The following CAST variants were observed in gnomAD, a reference collection of about 807,000 sequenced individuals.
The protein encoded by CAST is MIR583 host.
In CAST, 76 loss-of-function variants were observed where a neutral mutation model predicts 119.6. That is an observed-to-expected ratio of 0.64 (90% CI 0.53 to 0.77). The LOEUF (loss-of-function observed/expected upper bound fraction) is 0.77. Ranked by LOEUF, CAST falls within the 30% of genes least tolerant of loss-of-function variation. The probability of loss-of-function intolerance (pLI) is 0.00; values close to 1 mark genes in which losing one functional copy is unlikely to be tolerated. For missense variants in CAST, 953 were observed against 946.5 expected, an observed-to-expected ratio of 1.01 and a Z score of -0.09; for synonymous variants, 319 against 331.6, an observed-to-expected ratio of 0.96 and a Z score of 0.41.
chr5:96,366,255 T>C, the CAST span, among the ~76,000 whole-genome samples: 3 of 152,206 alleles, frequency 2.0e-5, no homozygotes, highest in Admixed American at 2.0e-4. Context: ...CTGGCTGCGC[T>C]TAACATTTTT....
intron 1 of CAST, among the ~76,000 whole-genome samples, chr5:96,641,220 A>G (rs1469322221): frequency 6.6e-6 from 1 of 152,214 alleles, no homozygotes; most frequent in African/African-American, 2.4e-5. Context: ...TAAGAATTGT[A>G]GAAATAAAGG....
Position 96,736,490 on chromosome 5 carries a change from G to A in CAST, c.699+250G>A, listed in dbSNP as rs148677785. Among the ~76,000 whole-genome samples the A allele has an allele frequency of 8.1e-3, 1,230 of 152,052 alleles. 22 individuals carry two copies. Among genetic ancestry groups the A allele is most frequent in the African/African-American group, 0.028 (1,172 of 41,464 alleles). Reference sequence around the variant, plus strand: ...ACAAACTCCAGTTTCATCCCATGGAGTTTACATTCCAGTTTCTCTCCTGCA... The same window carrying A: ...ACAAACTCCAGTTTCATCCCATGGAATTTACATTCCAGTTTCTCTCCTGCA... On this transcript the variant is annotated intron_variant, in intron 10 of 31. Transcript: ENST00000675179.
chr5:96,722,380 G>T (rs149880000), intron 3 of CAST, among the ~76,000 whole-genome samples: 269 of 152,290 alleles, frequency 1.8e-3, no homozygotes, highest in African/African-American at 6.3e-3. Context: ...AAAAATTGAG[G>T]TTGGGAAACT....
chr5:96,227,837 C>T, the CAST span, among the ~76,000 whole-genome samples: 26 of 152,148 alleles, frequency 1.7e-4, no homozygotes, highest in Non-Finnish European at 3.2e-4. Flanking sequence ...TTCCCACACT[C>T]GCTTGTGTAT....
chr5:96,415,123 GA>G, the CAST span, among the ~76,000 whole-genome samples: 2 of 152,102 alleles, frequency 1.3e-5, no homozygotes, highest in African/African-American at 4.8e-5. Context: ...ATAAAGAGGA[GA>G]GACAGTTTTT....
intron 3 of CAST, chr5:96,702,874 G>A (rs1461721674): frequency 1.0e-6 from 1 of 985,402 alleles, no homozygotes; most frequent in East Asian, 1.1e-4. Flanking sequence ...CAGACCTCCT[G>A]AAAACCAAGC....
At chr5:96,168,219 C>A in the CAST span, among the ~76,000 whole-genome samples, 1 of 152,172 alleles carries the variant, frequency 6.6e-6, no homozygotes, top group Non-Finnish European at 1.5e-5. Context: ...AGTTGGAACG[C>A]TAGCTGCTTT....
At chr5:96,081,244 C>T in the CAST span, among the ~76,000 whole-genome samples, 2 of 152,130 alleles carry the variant, frequency 1.3e-5, no homozygotes, top group African/African-American at 4.8e-5. Context: ...ACAGAGTTTG[C>T]CAAGAGGTAT....
the CAST span, chr5:95,961,795 T>C: frequency 6.8e-7 from 1 of 1,476,540 alleles, no homozygotes; most frequent in Non-Finnish European, 9.0e-7. Flanking sequence ...CTGCTTGGGC[T>C]TCTGCAGCCG....
the CAST span, among the ~76,000 whole-genome samples, chr5:95,966,006 C>A: frequency 6.6e-6 from 1 of 152,028 alleles, no homozygotes; most frequent in Non-Finnish European, 1.5e-5. Flanking sequence ...AGTTAATTTA[C>A]AAGTCATACA....
chr5:96,341,658 A>C, the CAST span, among the ~76,000 whole-genome samples: 1 of 152,132 alleles, frequency 6.6e-6, no homozygotes, highest in East Asian at 1.9e-4. Context: ...AAACTTTCAG[A>C]TAATGACTTC....
intron 17 of CAST, 35 bp from the exon 18 acceptor site, chr5:96,747,310 A>G (rs200457462): frequency 4.2e-6 from 6 of 1,437,038 alleles, no homozygotes; most frequent in East Asian, 2.3e-5. Flanking sequence ...AAAATTTTCT[A>G]TTTCATTTCC....
chr5:96,418,681 C>T, the CAST span, among the ~76,000 whole-genome samples: 3 of 152,136 alleles, frequency 2.0e-5, no homozygotes, highest in African/African-American at 7.2e-5. Context: ...CAAAATGGAG[C>T]CATTCATTTT....
chr5:95,962,037 G>T, the CAST span: 2 of 406,094 alleles, frequency 4.9e-6, no homozygotes, highest in South Asian at 1.9e-4. Flanking sequence ...CGTCCGAGAG[G>T]TAAGAGGCTG....
At chr5:96,682,286 G>C (rs937728693) in intron 2 of CAST, among the ~76,000 whole-genome samples, 7 of 152,290 alleles carry the variant, frequency 4.6e-5, no homozygotes, top group African/African-American at 1.7e-4. Flanking sequence ...GAGAGTTTCT[G>C]AAGTTTGCCC....
chr5:96,106,717 G>GT, the CAST span, among the ~76,000 whole-genome samples: 1 of 151,862 alleles, frequency 6.6e-6, no homozygotes, highest in Non-Finnish European at 1.5e-5. Flanking sequence ...GGGGTGGAGA[G>GT]TTCTGTAGAT....
At chr5:96,466,545 T>C in the CAST span, among the ~76,000 whole-genome samples, 13 of 150,678 alleles carry the variant, frequency 8.6e-5, no homozygotes, top group Non-Finnish European at 1.8e-4. Context: ...CTTTTATTCT[T>C]CCTGGGTTGT....
intron 1 of CAST, among the ~76,000 whole-genome samples, chr5:96,671,083 A>G (rs1385487066): frequency 6.6e-6 from 1 of 152,252 alleles, no homozygotes; most frequent in Non-Finnish European, 1.5e-5. Context: ...TATGTGATAA[A>G]GGGGGTGAAA....
the CAST span, among the ~76,000 whole-genome samples, chr5:96,414,792 A>G: frequency 1.3e-5 from 2 of 152,180 alleles, no homozygotes; most frequent in Non-Finnish European, 2.9e-5. Flanking sequence ...CTAATTACAT[A>G]ATTTGTGCTT....
Sources: gnomAD v4.1 joint callset for allele counts (sites outside exome capture counted in the v4.1 genomes callset) on GRCh38, gnomAD v4.1.1 for gene constraint, MANE v1.5 for transcripts, NCBI Gene and HGNC (gene_info 2026-07-23, HGNC 2026-07-21) for gene names.